Variants in APBB1IP observed in about 807,000 individuals in gnomAD.
APBB1IP encodes the protein amyloid beta precursor protein binding family B member 1 interacting protein.
In APBB1IP, 27 loss-of-function variants were observed where a neutral mutation model predicts 64.9. The observed-to-expected ratio is 0.42, with a 90% CI of 0.31 to 0.57. The LOEUF is 0.57. Ranked by LOEUF, APBB1IP falls within the 20% of genes least tolerant of loss-of-function variation. The probability of loss-of-function intolerance (pLI) is 0.20; values close to 1 mark genes in which losing one functional copy is unlikely to be tolerated. For synonymous variants in APBB1IP, 392 were observed against 331.0 expected (o/e 1.18, Z -2.00); for missense variants, 812 against 845.5 (o/e 0.96, Z 0.49).
intron 2 of APBB1IP, among the ~76,000 whole-genome samples, chr10:26,478,796 G>T (rs1335450577): frequency 6.6e-6 from 1 of 152,026 alleles, no homozygotes; most frequent in Non-Finnish European, 1.5e-5. Context: ...GGAAGGAGAA[G>T]CTGGTAAGGT....
chr10:26,441,899 AC>A (rs1243862908), intron 2 of APBB1IP, among the ~76,000 whole-genome samples: 1 of 152,230 alleles, frequency 6.6e-6, no homozygotes, highest in African/African-American at 2.4e-5. Context: ...TATAAATACT[AC>A]CAGGCCCTGT....
intron 2 of APBB1IP, among the ~76,000 whole-genome samples, chr10:26,460,601 C>T (rs1835578065): frequency 6.6e-6 from 1 of 152,082 alleles, no homozygotes; most frequent in Non-Finnish European, 1.5e-5. Flanking sequence ...AAATATACAC[C>T]ATGGAATACT....
chr10:26,486,496 A>G (rs1249893181), intron 2 of APBB1IP, among the ~76,000 whole-genome samples: 3 of 152,168 alleles, frequency 2.0e-5, no homozygotes, highest in Admixed American at 6.5e-5. Context: ...GCGCATGGGA[A>G]GAGAATGCAT....
At chr10:26,543,612 TACA>T (rs1396098811) in intron 11 of APBB1IP, among the ~76,000 whole-genome samples, 1 of 151,866 alleles carries the variant, frequency 6.6e-6, no homozygotes, top group Non-Finnish European at 1.5e-5. Flanking sequence ...ATTAAAAAAA[TACA>T]ACAATCCCTG....
At chr10:26,551,370 G>A (rs1588616477) in intron 11 of APBB1IP, among the ~76,000 whole-genome samples, 1 of 152,166 alleles carries the variant, frequency 6.6e-6, no homozygotes, top group East Asian at 1.9e-4. Context: ...GTGGCTCAGG[G>A]GAGGGGCAAC....
At chr10:26,440,155 A>G (rs1479307200) in intron 2 of APBB1IP, among the ~76,000 whole-genome samples, 1 of 152,180 alleles carries the variant, frequency 6.6e-6, no homozygotes, top group Non-Finnish European at 1.5e-5. Flanking sequence ...TTTTCTCAGC[A>G]CTTGGGAGAC....
intron 2 of APBB1IP, among the ~76,000 whole-genome samples, chr10:26,482,654 A>T (rs899682636): frequency 3.9e-5 from 6 of 152,192 alleles, no homozygotes; most frequent in African/African-American, 1.4e-4. Flanking sequence ...TTTCCTAGAA[A>T]AAAATGTTGC....
chr10:26,554,885 C>T (rs1836875776), intron 11 of APBB1IP, among the ~76,000 whole-genome samples: 1 of 152,074 alleles, frequency 6.6e-6, no homozygotes, highest in Admixed American at 6.5e-5. Context: ...ACCCGGCTTA[C>T]ACCAGTCTCT....
intron 2 of APBB1IP, among the ~76,000 whole-genome samples, chr10:26,483,176 C>T (rs1186721029): frequency 1.4e-5 from 2 of 144,404 alleles, no homozygotes; most frequent in Non-Finnish European, 3.0e-5. Context: ...GAAAGATGTA[C>T]AGTATGCAGA....
intron 11 of APBB1IP, among the ~76,000 whole-genome samples, chr10:26,559,546 C>G (rs940347071): frequency 2.0e-5 from 3 of 151,952 alleles, no homozygotes; most frequent in Admixed American, 2.0e-4. Flanking sequence ...CCACTCCAGC[C>G]AGGACAACTC....
intron 11 of APBB1IP, among the ~76,000 whole-genome samples, chr10:26,543,474 A>T (rs1441431785): frequency 1.4e-5 from 2 of 142,622 alleles, no homozygotes; most frequent in Admixed American, 7.2e-5. Context: ...CTCAAAAAAA[A>T]AAAAAGAAAA....
At chr10:26,549,404 TTA>T (rs1836804080) in intron 11 of APBB1IP, among the ~76,000 whole-genome samples, 1 of 152,134 alleles carries the variant, frequency 6.6e-6, no homozygotes, top group Admixed American at 6.5e-5. Context: ...GAATTAGTCT[TTA>T]TATGTTTCTA....
At chr10:26,533,081 T>G (rs1836574725) in intron 8 of APBB1IP, among the ~76,000 whole-genome samples, 1 of 152,210 alleles carries the variant, frequency 6.6e-6, no homozygotes, top group Admixed American at 6.5e-5. Context: ...GAGCTTGACC[T>G]TCACTCCAGC....
chr10:26,520,911 C>A (rs1210731667), intron 8 of APBB1IP, among the ~76,000 whole-genome samples: 2 of 152,100 alleles, frequency 1.3e-5, no homozygotes, highest in African/African-American at 4.8e-5. Flanking sequence ...CAGTAAAGTT[C>A]TGTATAATAG....
intron 2 of APBB1IP, among the ~76,000 whole-genome samples, chr10:26,469,260 T>TTC (rs1835686806): frequency 1.7e-5 from 1 of 57,364 alleles, no homozygotes; most frequent in Admixed American, 2.2e-4. Context: ...TTTCTTTTCT[T>TTC]TTTTTTTTTT....
chr10:26,503,185 G>GAAGAATAT lies in APBB1IP; in HGVS notation c.454-12_454-11insAAGAATAT. ...AATGGACTGTATTGAAGAATATCTT[G>GAAGAATAT]CCCTTTTCCAGGAAGAGGAAGAAGC... On this transcript the variant is annotated splice_polypyrimidine_tract_variant and intron_variant, in intron 5 of 14. Coordinates refer to ENST00000376236, the MANE Select transcript of APBB1IP (RefSeq NM_019043.4). 1.2e-6 allele frequency: 2 copies of GAAGAATAT among 1,613,734 alleles called. No homozygotes were observed. The highest frequency in any genetic ancestry group is 1.7e-6 in the Non-Finnish European group (2 of 1,179,762).
chr10:26,514,880 T>C (rs905864526), intron 8 of APBB1IP, among the ~76,000 whole-genome samples: 5 of 150,312 alleles, frequency 3.3e-5, no homozygotes, highest in Non-Finnish European at 5.9e-5. Flanking sequence ...TTTCTTTTCT[T>C]TTTTTTTTGT....
intron 7 of APBB1IP, among the ~76,000 whole-genome samples, 161 bp downstream of exon 7, chr10:26,512,067 C>A (rs533159351): frequency 6.6e-6 from 1 of 152,142 alleles, no homozygotes; most frequent in African/African-American, 2.4e-5. Context: ...TGTGCTCAAG[C>A]GATCCTCCCA....
intron 14 of APBB1IP, 82 bp from the exon 15 acceptor site, chr10:26,566,879 C>A (rs760598590): frequency 8.5e-6 from 12 of 1,413,280 alleles, no homozygotes; most frequent in Non-Finnish European, 1.0e-5. Flanking sequence ...AGAGTGAGAC[C>A]CCGTCTCCAT....
Sources: gnomAD v4.1 joint callset for allele counts (sites outside exome capture counted in the v4.1 genomes callset) on GRCh38, gnomAD v4.1.1 for gene constraint, MANE v1.5 for transcripts, NCBI Gene and HGNC (gene_info 2026-07-23, HGNC 2026-07-21) for gene names.